The following FAM170B variants were observed in gnomAD, a reference collection of about 807,000 sequenced individuals.
FAM170B encodes protein FAM170B.
In FAM170B, 4 loss-of-function variants were observed where a neutral mutation model predicts 3.9. The observed-to-expected ratio is 1.01, with a 90% CI of 0.50 to 2.32. FAM170B has a LOEUF of 2.32. Among genes scored for constraint, FAM170B ranks in the 30% most tolerant of loss-of-function variants. The pLI is 0.02. For missense variants in FAM170B, 417 were observed against 368.6 expected (o/e 1.13, Z -1.07); for synonymous variants, 163 against 149.8 (o/e 1.09, Z -0.64).
At chr10:49,132,988 A>G (rs1845207515) in intron 1 of FAM170B, among the ~76,000 whole-genome samples, 1 of 152,158 alleles carries the variant, frequency 6.6e-6, no homozygotes, top group Non-Finnish European at 1.5e-5. Flanking sequence ...ATAAGGCACA[A>G]GGGGACTTTT....
At position 49,133,961 on chromosome 10, in the gene FAM170B, A is replaced by G. The variant is rs1845219278; in HGVS notation, c.-43T>C. 1 of 1,492,664 alleles carries G rather than the reference A, an allele frequency of 6.7e-7. No homozygotes were observed. Among genetic ancestry groups the G allele is most frequent in the Non-Finnish European group, 9.1e-7 (1 of 1,092,978 alleles). 92.5% of individuals were successfully genotyped at this position (1,492,664 alleles called of 1,614,324 possible). A position where few individuals can be genotyped will look rare whatever the true frequency, so the allele number is the denominator to read the frequency against. ...CAGGGTGTCGGTGCTCCAGCTGTTCAGTGAGAGTTGGCTGGGGCTGTACTG... is the reference window on the plus strand; with the variant it reads ...CAGGGTGTCGGTGCTCCAGCTGTTCGGTGAGAGTTGGCTGGGGCTGTACTG... On this transcript the variant is annotated 5_prime_UTR_variant, in exon 1 of 2. Transcript: ENST00000311787.
At chr10:49,133,672 C>T (rs1845213974) in intron 1 of FAM170B, 135 bp downstream of exon 1, 2 of 676,134 alleles carry the variant, frequency 3.0e-6, no homozygotes, top group Non-Finnish European at 5.2e-6. Flanking sequence ...TCCTTTCCCT[C>T]CACATCTATG....
intron 1 of FAM170B, among the ~76,000 whole-genome samples, chr10:49,133,131 A>G (rs1036413997): frequency 2.6e-5 from 4 of 152,202 alleles, no homozygotes; most frequent in African/African-American, 9.7e-5. Flanking sequence ...AGTAAAGCCC[A>G]TTTAAAAAAC....
rs1449871313 is a variant in FAM170B at position 49,132,318 on chromosome 10, C to A, written c.147G>T (p.Pro49=). ...TIQREGSSPR[P]GPAIPREEGL... is the part of the protein sequence containing the mutation. ...CCTCCTCCCGGGGAATGGCAGGCCC[C>A]GGCCGTGGGGACGACCCTTCTCTCT... Residue 49 remains proline, a synonymous_variant, in exon 2 of 2, where the codon CCG becomes CCT. Coordinates refer to ENST00000311787, the MANE Select transcript of FAM170B (RefSeq NM_001164484.2). 4 of 1,549,790 alleles carry A rather than the reference C, an allele frequency of 2.6e-6. No individual in the cohort carries two copies. Among genetic ancestry groups the A allele is most frequent in the Non-Finnish European group, 2.6e-6 (3 of 1,146,570 alleles).
At position 49,133,834 on chromosome 10, in the gene FAM170B, C is replaced by T. The variant is rs780818387; in HGVS notation, c.85G>A (p.Glu29Lys). Residue 29 changes from glutamate to lysine, a missense_variant, in exon 1 of 2, where the codon GAG becomes AAG. Physicochemically the swap from Glu to Lys is moderately conservative, Grantham distance 56 (BLOSUM62 1). Coordinates refer to ENST00000311787, the MANE Select transcript of FAM170B (RefSeq NM_001164484.2). ...GGCCAGAACACTTCCACACTCTCCT[C>T]AGTGGACTCAGGGCTGGTCAAGCTG... ...TLSLTSPESTEESVEVFWPGT... is the reference protein window; with the variant it reads ...TLSLTSPESTKESVEVFWPGT... The T allele has an allele frequency of 3.2e-6, 5 of 1,551,704 alleles. No homozygotes were observed. Among genetic ancestry groups the T allele is most frequent in the Non-Finnish European group, 4.4e-6 (5 of 1,146,994 alleles).
intron 1 of FAM170B, 135 bp from the exon 2 acceptor site, chr10:49,132,487 C>A: frequency 2.0e-6 from 2 of 977,308 alleles, no homozygotes; most frequent in Non-Finnish European, 1.5e-6. Context: ...TGCCCATTTC[C>A]TGAAAAAATG....
In FAM170B at chr10:49,133,184, T is replaced by A. The variant is rs971739257; in HGVS notation, c.112+623A>T. Among the ~76,000 whole-genome samples, 3 of 152,322 alleles carry A rather than the reference T, an allele frequency of 2.0e-5. No individual in the cohort carries two copies. The South Asian group carries it at 6.2e-4, about 32-fold the overall frequency. On this transcript the variant is annotated intron_variant, in intron 1 of 1. Coordinates refer to ENST00000311787, the MANE Select transcript of FAM170B (RefSeq NM_001164484.2). The stretch of plus-strand genomic sequence containing the variant: ...TTGGCCAAGCCACCCAGACCCACCA[T>A]CCTCTTCAACATTTGTGACCTGTCT...
chr10:49,131,915 C>G lies in FAM170B; in HGVS notation c.550G>C (p.Glu184Gln). The G allele has an allele frequency of 6.5e-7, 1 of 1,548,660 alleles. No homozygotes were observed. Among genetic ancestry groups the G allele is most frequent in the Non-Finnish European group, 8.7e-7 (1 of 1,146,872 alleles). Residue 184 changes from glutamate (E) to glutamine (Q), a missense_variant, in exon 2 of 2, where the codon GAG becomes CAG. Transcript: ENST00000311787. Reference protein sequence around the residue: ...SPEPEDIDLLECCLQELREPP... With the variant: ...SPEPEDIDLLQCCLQELREPP... Reference sequence around the variant, plus strand: ...TCCCGCAGCTCCTGCAGGCAGCACTCCAGCAGGTCTATGTCCTCGGGCTCG... The same window carrying G: ...TCCCGCAGCTCCTGCAGGCAGCACTGCAGCAGGTCTATGTCCTCGGGCTCG...
chr10:49,133,220 G>A (rs1043327044), intron 1 of FAM170B, among the ~76,000 whole-genome samples: 5 of 152,236 alleles, frequency 3.3e-5, no homozygotes, highest in African/African-American at 7.2e-5. Context: ...TCACCTTCCC[G>A]AGGGGGCATC....
rs1365551166 is a variant in FAM170B, at chr10:49,133,938, G to A, written c.-20C>T. The stretch of plus-strand genomic sequence containing the variant: ...TTTCATGATTTGAAATGAGTGCCCA[G>A]GGTGTCGGTGCTCCAGCTGTTCAGT... On this transcript the variant is annotated 5_prime_UTR_variant, in exon 1 of 2. Coordinates refer to ENST00000311787, the MANE Select transcript of FAM170B (RefSeq NM_001164484.2). 4 of 1,536,332 alleles carry A rather than the reference G, an allele frequency of 2.6e-6. No individual in the cohort carries two copies. Among genetic ancestry groups the A allele is most frequent in the Admixed American group, 2.0e-5 (1 of 50,976 alleles).
Position 49,132,084 on chromosome 10 carries a change from G to A in FAM170B, c.381C>T (p.Ala127=), listed in dbSNP as rs112703853. ...GCTTCCTGGTGACCGGCTCGAAGCCGGCCTCCGTCTCCCAGGCCACAGCCA... is the reference window on the plus strand; with the variant it reads ...GCTTCCTGGTGACCGGCTCGAAGCCAGCCTCCGTCTCCCAGGCCACAGCCA... The part of the protein sequence containing the change: ...RGVAVAWETE[A]GFEPVTRKPR... Residue 127 remains alanine, a synonymous_variant, in exon 2 of 2, where the codon GCC becomes GCT. Coordinates refer to ENST00000311787, the MANE Select transcript of FAM170B (RefSeq NM_001164484.2). The A allele has an allele frequency of 3.6e-5, 56 of 1,551,626 alleles. 1 individual carries two copies. Among genetic ancestry groups the A allele is most frequent in the African/African-American group, 3.4e-4 (25 of 73,190 alleles).
chr10:49,132,112 C>A lies in FAM170B; in HGVS notation c.353G>T (p.Gly118Val). The change falls in exon 2 of 2, where the codon GGT becomes GTT. Residue 118 changes from glycine to valine, a missense_variant. Transcript: ENST00000311787. The stretch of plus-strand genomic sequence containing the variant: ...CTCCGTCTCCCAGGCCACAGCCACA[C>A]CCCGCACAGTCTGCACGTGCGTGTA... ...AFYTHVQTVR[G>V]VAVAWETEAG... The A allele has an allele frequency of 6.4e-7, 1 of 1,551,784 alleles. No homozygotes were observed. The highest frequency in any genetic ancestry group is 8.7e-7 in the Non-Finnish European group (1 of 1,147,020).
At position 49,133,827 on chromosome 10, in the gene FAM170B, C is replaced by G. The variant is rs1443411513; in HGVS notation, c.92G>C (p.Ser31Thr). 1.9e-6 allele frequency: 3 copies of G among 1,551,600 alleles called. No homozygotes were observed. Among genetic ancestry groups the G allele is most frequent in the Non-Finnish European group, 2.6e-6 (3 of 1,147,008 alleles). The change falls in exon 1 of 2, where the codon AGT becomes ACT. Residue 31 changes from serine (S) to threonine (T), a missense_variant. Physicochemically the swap from Ser to Thr is moderately conservative, Grantham distance 58. Coordinates refer to ENST00000311787, the MANE Select transcript of FAM170B (RefSeq NM_001164484.2). ...CCTACCTGGCCAGAACACTTCCACACTCTCCTCAGTGGACTCAGGGCTGGT... is the reference window on the plus strand; with the variant it reads ...CCTACCTGGCCAGAACACTTCCACAGTCTCCTCAGTGGACTCAGGGCTGGT... ...SLTSPESTEESVEVFWPGTIQ... is the reference protein window; with the variant it reads ...SLTSPESTEETVEVFWPGTIQ...
In FAM170B at chr10:49,131,631, C is replaced by T. The variant is rs1326816991; in HGVS notation, c.834G>A (p.Gln278=). The change falls in exon 2 of 2, where the codon CAG becomes CAA. Residue 278 remains glutamine, a synonymous_variant. Coordinates refer to ENST00000311787, the MANE Select transcript of FAM170B (RefSeq NM_001164484.2). ...CTCTGGCTCACTGCTTCTCCTGCTG[C>T]TGTGCTGAGAGCACCTCACCCTGGG... ...SRPQGEVLSA[Q]QQEKQ 4.5e-6 allele frequency: 7 copies of T among 1,551,352 alleles called. No individual in the cohort carries two copies. Among genetic ancestry groups the T allele is most frequent in the Non-Finnish European group, 6.1e-6 (7 of 1,146,812 alleles).
rs1233820682 is a variant in FAM170B, at chr10:49,133,714, A to T, written c.112+93T>A. ...GTCAACACAACCATTTGGTAACAGT[A>T]TCAGGAGGCAACCTGGCACTGTCCC... On this transcript the variant is annotated intron_variant, in intron 1 of 1. Coordinates refer to ENST00000311787, the MANE Select transcript of FAM170B (RefSeq NM_001164484.2). 2.5e-5 allele frequency: 25 copies of T among 983,448 alleles called. No homozygotes were observed. The East Asian group carries it at 6.6e-4, about 26-fold the overall frequency. The allele number at this position is 983,448 out of a possible 1,614,324, so 60.9% of individuals were successfully genotyped here.
chr10:49,134,016 G>C lies in FAM170B; in HGVS notation c.-98C>G, dbSNP rs1157324911. Reference sequence around the variant, plus strand: ...CCTCCAGCTGGCCCCAGCCAGAGTGGACACTGAGCTCCCCATGGTCGCTAA... The same window carrying C: ...CCTCCAGCTGGCCCCAGCCAGAGTGCACACTGAGCTCCCCATGGTCGCTAA... On this transcript the variant is annotated 5_prime_UTR_variant, in exon 1 of 2. Transcript: ENST00000311787. The C allele has an allele frequency of 1.5e-5, 13 of 871,648 alleles. No individual in the cohort carries two copies. The highest frequency in any genetic ancestry group is 2.3e-4 in the Middle Eastern group (1 of 4,400). 54.0% of individuals were successfully genotyped at this position (871,648 alleles called of 1,614,324 possible). A position where few individuals can be genotyped will look rare whatever the true frequency, so the allele number is the denominator to read the frequency against.
chr10:49,133,948 G>GC lies in FAM170B; in HGVS notation c.-31dup, dbSNP rs1482290987. 1 of 1,524,802 alleles carries GC rather than the reference G, an allele frequency of 6.6e-7. No homozygotes were observed. Among genetic ancestry groups the GC allele is most frequent in the African/African-American group, 1.4e-5 (1 of 72,618 alleles). 94.5% of individuals were successfully genotyped at this position (1,524,802 alleles called of 1,614,324 possible). On this transcript the variant is annotated 5_prime_UTR_variant, in exon 1 of 2. Coordinates refer to ENST00000311787, the MANE Select transcript of FAM170B (RefSeq NM_001164484.2). Reference sequence around the variant, plus strand: ...TGAAATGAGTGCCCAGGGTGTCGGTGCTCCAGCTGTTCAGTGAGAGTTGGC... The same window carrying GC: ...TGAAATGAGTGCCCAGGGTGTCGGTGCCTCCAGCTGTTCAGTGAGAGTTGGC...
At chr10:49,132,997 T>C (rs1306595785) in intron 1 of FAM170B, among the ~76,000 whole-genome samples, 1 of 152,112 alleles carries the variant, frequency 6.6e-6, no homozygotes, top group East Asian at 1.9e-4. Flanking sequence ...AAGGGGACTT[T>C]TAGGGGTTTT....
intron 1 of FAM170B, among the ~76,000 whole-genome samples, chr10:49,132,955 G>A (rs1381535590): frequency 3.9e-5 from 6 of 152,084 alleles, no homozygotes; most frequent in Admixed American, 6.5e-5. Flanking sequence ...AGCTGGGGAC[G>A]GGGTGAGAGG....
Sources: gnomAD v4.1 joint callset for allele counts (sites outside exome capture counted in the v4.1 genomes callset) on GRCh38, gnomAD v4.1.1 for gene constraint, MANE v1.5 for transcripts, NCBI Gene and HGNC (gene_info 2026-07-23, HGNC 2026-07-21) for gene names.